Variants in RAP1GAP observed in about 807,000 individuals in gnomAD.
RAP1GAP encodes the protein RAP1 GTPase activating protein.
In RAP1GAP, 35 loss-of-function variants were observed where a neutral mutation model predicts 87.2. The ratio of observed to expected loss-of-function variants is 0.40; its 90% CI spans 0.31 to 0.53. The LOEUF (loss-of-function observed/expected upper bound fraction) is 0.53, where lower values mean the gene tolerates loss of function less well. Among genes scored for constraint, RAP1GAP ranks in the 20% least tolerant of loss-of-function variants. The pLI is 0.48. For synonymous variants in RAP1GAP, 375 were observed against 363.9 expected, an observed-to-expected ratio of 1.03 and a Z score of -0.35; for missense variants, 734 against 898.9, an observed-to-expected ratio of 0.82 and a Z score of 2.35.
intron 2 of RAP1GAP, among the ~76,000 whole-genome samples, chr1:21,638,335 T>G (rs1571147379): frequency 6.6e-6 from 1 of 151,692 alleles, no homozygotes; most frequent in African/African-American, 2.4e-5. Flanking sequence ...CGCATGCTTG[T>G]AATCCCAGCT....
intron 2 of RAP1GAP, among the ~76,000 whole-genome samples, chr1:21,642,556 GTCAGGGCC>G (rs1003817223): frequency 1.2e-4 from 18 of 152,182 alleles, no homozygotes; most frequent in African/African-American, 4.1e-4. Flanking sequence ...TAAGAGCACA[GTCAGGGCC>G]TCCCTGAGCT....
chr1:21,614,874 G>C (rs1570708294), intron 7 of RAP1GAP, among the ~76,000 whole-genome samples: 1 of 152,134 alleles, frequency 6.6e-6, no homozygotes, highest in African/African-American at 2.4e-5. Flanking sequence ...CTGGCTGCCC[G>C]GCCACACCCG....
chr1:21,659,778 G>A (rs1558923285), intron 1 of RAP1GAP, among the ~76,000 whole-genome samples: 1 of 152,234 alleles, frequency 6.6e-6, no homozygotes, highest in East Asian at 1.9e-4. Context: ...CAGTGGCACA[G>A]CCCCTTCTAG....
chr1:21,648,426 G>A (rs1473775122), intron 2 of RAP1GAP, among the ~76,000 whole-genome samples: 1 of 152,224 alleles, frequency 6.6e-6, no homozygotes, highest in Non-Finnish European at 1.5e-5. Context: ...GAGTCTGGAA[G>A]ATCAAGGTTC....
intron 7 of RAP1GAP, among the ~76,000 whole-genome samples, chr1:21,614,609 G>T (rs1172861224): frequency 2.6e-5 from 4 of 152,234 alleles, no homozygotes; most frequent in African/African-American, 9.6e-5. Flanking sequence ...AACACACAGG[G>T]TGGCTGGCCA....
At chr1:21,610,048 G>A (rs1034749849) in intron 14 of RAP1GAP, 72 bp downstream of exon 14, 2 of 1,541,510 alleles carry the variant, frequency 1.3e-6, no homozygotes, top group East Asian at 2.3e-5. Context: ...GGCTCAGAGG[G>A]GCATCCCAGG....
In RAP1GAP at chr1:21,649,749, C is replaced by T; in HGVS notation, c.-113+12G>A. The T allele has an allele frequency of 6.4e-7, 1 of 1,552,208 alleles. No homozygotes were observed. Among genetic ancestry groups the T allele is most frequent in the South Asian group, 1.2e-5 (1 of 84,058 alleles). ...GGAAACCCAGGCCCTCCTGAGAGTC[C>T]CCAGTACTCACCACACACTCCGGCG... On this transcript the variant is annotated intron_variant, in intron 2 of 24. Coordinates refer to ENST00000374765, the MANE Select transcript of RAP1GAP (RefSeq NM_002885.4).
At chr1:21,619,167 C>T (rs2084676872) in intron 4 of RAP1GAP, 95 bp from the exon 5 acceptor site, 9 of 1,354,100 alleles carry the variant, frequency 6.6e-6, no homozygotes, top group East Asian at 2.6e-5. Flanking sequence ...CCCTAGGAGG[C>T]GGCCCGCGAA....
chr1:21,629,458 G>A (rs1290202141), intron 2 of RAP1GAP, among the ~76,000 whole-genome samples: 2 of 152,212 alleles, frequency 1.3e-5, no homozygotes, highest in African/African-American at 4.8e-5. Context: ...GGCCTCTGAA[G>A]GCCAGGGTGC....
intron 2 of RAP1GAP, among the ~76,000 whole-genome samples, chr1:21,648,300 G>A (rs1025530650): frequency 3.3e-5 from 5 of 152,174 alleles, no homozygotes; most frequent in African/African-American, 1.2e-4. Flanking sequence ...TCCCTGGGGT[G>A]GGCCTTCTGG....
chr1:21,615,366 A>G lies in RAP1GAP; in HGVS notation c.292-1277T>C, dbSNP rs2081341751. Among the ~76,000 whole-genome samples, 1 of 150,416 alleles carries G rather than the reference A, an allele frequency of 6.6e-6. No individual in the cohort carries two copies. Among genetic ancestry groups the G allele is most frequent in the African/African-American group, 2.4e-5 (1 of 40,978 alleles). On this transcript the variant is annotated intron_variant, in intron 7 of 24. Transcript: ENST00000374765. This position sits in a 1 kb window ranked among gnomAD's most constrained non-coding sequence, Gnocchi z 4.5. ...CCAGCCCTGGGGCTTCTCCCTCATT[A>G]CTGCTAATCTGATCCTGGACATGAA...
intron 7 of RAP1GAP, among the ~76,000 whole-genome samples, chr1:21,614,435 C>T (rs1411127570): frequency 1.3e-5 from 2 of 152,188 alleles, no homozygotes; most frequent in South Asian, 2.1e-4. Flanking sequence ...GGGTGCTCAT[C>T]GAGTCTGGAC....
At chr1:21,648,388 G>C (rs898161094) in intron 2 of RAP1GAP, among the ~76,000 whole-genome samples, 1 of 152,356 alleles carries the variant, frequency 6.6e-6, no homozygotes, top group South Asian at 2.1e-4. Context: ...CCCTGGGACA[G>C]AGTAGGCGAG....
At chr1:21,654,093 TG>T (rs2096762055) in intron 1 of RAP1GAP, among the ~76,000 whole-genome samples, 1 of 3,054 alleles carries the variant, frequency 3.3e-4, no homozygotes, top group South Asian at 8.2e-3. Context: ...GGGATGGGGG[TG>T]GGGGTGGGAG....
intron 2 of RAP1GAP, among the ~76,000 whole-genome samples, chr1:21,641,862 G>A (rs1370669226): frequency 6.6e-6 from 1 of 152,214 alleles, no homozygotes; most frequent in Non-Finnish European, 1.5e-5. Context: ...GTATGAAAAT[G>A]AGCCTCTGAG....
chr1:21,623,114 C>T (rs1266828894), intron 3 of RAP1GAP: 1 of 152,422 alleles, frequency 6.6e-6, no homozygotes, highest in Non-Finnish European at 1.5e-5. Flanking sequence ...AGTGGCTGGC[C>T]TGCTCCGTCC....
In RAP1GAP at chr1:21,627,771, G is replaced by A. The variant is rs144921322; in HGVS notation, c.-112-1374C>T. On this transcript the variant is annotated intron_variant, in intron 2 of 24. Coordinates refer to ENST00000374765, the MANE Select transcript of RAP1GAP (RefSeq NM_002885.4). ...CTACTCCAGCAGGAGAAATGGCCCG[G>A]AGGAACCATCCACAGCCCCACTTAT... Among the ~76,000 whole-genome samples, 144 of 152,206 alleles carry A rather than the reference G, an allele frequency of 9.5e-4. 2 individuals are homozygous for A. In the East Asian group the frequency reaches 0.02, roughly 21 times the overall value.
intron 18 of RAP1GAP, among the ~76,000 whole-genome samples, chr1:21,605,086 T>G (rs1467378245): frequency 1.3e-5 from 2 of 151,588 alleles, no homozygotes; most frequent in Admixed American, 1.3e-4. Context: ...GATGGATGGG[T>G]GGGGAGCACA....
At position 21,619,014 on chromosome 1, in the gene RAP1GAP, G is replaced by C; in HGVS notation, c.66+11C>G. 6.3e-7 allele frequency: 1 copy of C among 1,593,724 alleles called. No homozygotes were observed. Among genetic ancestry groups the C allele is most frequent in the Non-Finnish European group, 8.6e-7 (1 of 1,168,820 alleles). ...CCCTAGAGAGGGAGGCAGACTGCCA[G>C]GCCCACCTACTTTGAGGGGCGGCGG... On this transcript the variant is annotated intron_variant, in intron 5 of 24. Coordinates refer to ENST00000374765, the MANE Select transcript of RAP1GAP (RefSeq NM_002885.4).
Sources: allele counts gnomAD v4.1 joint callset (sites outside exome capture counted in the v4.1 genomes callset), GRCh38; gene constraint gnomAD v4.1.1; non-coding constraint Gnocchi (gnomAD v3.1); transcripts MANE v1.5; gene names NCBI Gene and HGNC (gene_info 2026-07-23, HGNC 2026-07-21).